Variants in FBLN2 observed in about 807,000 individuals in gnomAD.
FBLN2 encodes the protein fibulin 2, also known as fibulin-2.
Under a neutral mutation model 123.7 loss-of-function variants are expected in FBLN2, and 81 were observed. The ratio of observed to expected loss-of-function variants is 0.65; its 90% CI spans 0.55 to 0.79. The LOEUF (loss-of-function observed/expected upper bound fraction) is 0.79, where lower values mean the gene tolerates loss of function less well. Ranked by LOEUF, FBLN2 falls within the 30% of genes least tolerant of loss-of-function variation. FBLN2 has a pLI of 0.00. For synonymous variants in FBLN2, 699 were observed against 701.4 expected (o/e 1.00, Z 0.05); for missense variants, 1,603 against 1,681.3 (o/e 0.95, Z 0.81).
intron 2 of FBLN2, among the ~76,000 whole-genome samples, chr3:13,593,243 T>C (rs537418862): frequency 3.3e-5 from 5 of 152,332 alleles, no homozygotes; most frequent in African/African-American, 9.6e-5. Context: ...TGGATCTTCA[T>C]TGGAGTCCTG....
chr3:13,624,590 G>T (rs1474064327), intron 9 of FBLN2, among the ~76,000 whole-genome samples: 1 of 152,176 alleles, frequency 6.6e-6, no homozygotes, highest in African/African-American at 2.4e-5. Context: ...TTTCCCCAGG[G>T]CCTTGGCCTC....
At chr3:13,629,085 G>T (rs369377732) in intron 12 of FBLN2, 37 bp downstream of exon 12, 81 of 1,612,726 alleles carry the variant, frequency 5.0e-5, no homozygotes, top group Non-Finnish European at 6.7e-5. Context: ...AGCCAGCCCG[G>T]CCTGCCCGCT....
chr3:13,562,069 G>A (rs1165011312), intron 1 of FBLN2, among the ~76,000 whole-genome samples: 1 of 152,204 alleles, frequency 6.6e-6, no homozygotes, highest in African/African-American at 2.4e-5. Context: ...ATCCCTACTT[G>A]ATGCTTTGTG....
At chr3:13,556,879 C>T (rs942963037) in intron 1 of FBLN2, among the ~76,000 whole-genome samples, 1 of 152,230 alleles carries the variant, frequency 6.6e-6, no homozygotes, top group Non-Finnish European at 1.5e-5. Context: ...CCACTACATC[C>T]TCCTGGAAGG....
In FBLN2 at chr3:13,619,762, G is replaced by A. The variant is rs777109908; in HGVS notation, c.2086G>A (p.Val696Ile). 1 of 1,613,446 alleles carries A rather than the reference G, an allele frequency of 6.2e-7. No homozygotes were observed. Among genetic ancestry groups the A allele is most frequent in the South Asian group, 1.1e-5 (1 of 90,964 alleles). Reference sequence around the variant, plus strand: ...ACCCTGCAAGCAGGTGTGCAGCACTGTTGGGGGCTCAGCCATATGCTCCTG... The same window carrying A: ...ACCCTGCAAGCAGGTGTGCAGCACTATTGGGGGCTCAGCCATATGCTCCTG... ...NGPCKQVCST[V>I]GGSAICSCFP... The change falls in exon 8 of 18, where the codon GTT becomes ATT. Residue 696 changes from valine to isoleucine, a missense_variant. Transcript: ENST00000404922.
intron 2 of FBLN2, among the ~76,000 whole-genome samples, chr3:13,599,873 T>C (rs1704966263): frequency 6.9e-6 from 1 of 144,430 alleles, no homozygotes; most frequent in Non-Finnish European, 1.5e-5. Context: ...GGCATGTGCA[T>C]GTGACATGGG....
At chr3:13,613,915 G>T in intron 4 of FBLN2, 69 bp from the exon 5 acceptor site, 1 of 1,515,496 alleles carries the variant, frequency 6.6e-7, no homozygotes, top group South Asian at 1.3e-5. Context: ...CCATTTATCA[G>T]TCCCTCCCCT....
chr3:13,612,794 A>G (rs1475946190), intron 4 of FBLN2, among the ~76,000 whole-genome samples: 1 of 152,212 alleles, frequency 6.6e-6, no homozygotes, highest in Non-Finnish European at 1.5e-5. Flanking sequence ...TAAGTATGTG[A>G]TGGGCCTTCA....
At position 13,608,322 on chromosome 3, in the gene FBLN2, C is replaced by T. The variant is rs566604632; in HGVS notation, c.1418+149C>T. On this transcript the variant is annotated intron_variant, in intron 3 of 17. Transcript: ENST00000404922. ...AGGGTGATTGGGTGTGGCTGCCGTGCGCCATCTGGCCAGGCTTTCTCCAGG... is the reference window on the plus strand; with the variant it reads ...AGGGTGATTGGGTGTGGCTGCCGTGTGCCATCTGGCCAGGCTTTCTCCAGG... 248 of 634,138 alleles carry T rather than the reference C, an allele frequency of 3.9e-4. 1 individual carries two copies. Among genetic ancestry groups the T allele is most frequent in the Non-Finnish European group, 6.4e-4 (232 of 364,428 alleles). The allele number at this position is 634,138 out of a possible 1,614,324, so 39.3% of individuals were successfully genotyped here.
rs569329220 is a variant in FBLN2, at chr3:13,609,721, G to A, written c.1548+79G>A. The A allele has an allele frequency of 9.4e-5, 143 of 1,514,822 alleles. 1 individual carries two copies. The South Asian group carries it at 1.5e-3, about 16-fold the overall frequency. 93.8% of individuals were successfully genotyped at this position (1,514,822 alleles called of 1,614,324 possible). ...CTGGCCTGGGCCTGAAGGTCCTCGT[G>A]GCCCAAGAAGTTAGGCTGTCCTTGG... is the stretch of plus-strand genomic sequence containing the variant. On this transcript the variant is annotated intron_variant, in intron 4 of 17. Coordinates refer to ENST00000404922, the MANE Select transcript of FBLN2 (RefSeq NM_001004019.2).
At chr3:13,581,608 G>C (rs1704334408) in intron 2 of FBLN2, among the ~76,000 whole-genome samples, 1 of 152,150 alleles carries the variant, frequency 6.6e-6, no homozygotes, top group Non-Finnish European at 1.5e-5. Flanking sequence ...CAAGAGGCCA[G>C]CCCAGGGTCA....
At chr3:13,635,394 A>C (rs145118361) in intron 16 of FBLN2, among the ~76,000 whole-genome samples, 1,920 of 151,898 alleles carry the variant, frequency 0.013, 53 homozygotes, top group African/African-American at 0.043. Context: ...ACACACACAC[A>C]CACACCCACA....
chr3:13,638,355 T>TAA lies in FBLN2; in HGVS notation c.*443_*444dup. On this transcript the variant is annotated 3_prime_UTR_variant, in exon 18 of 18. Transcript: ENST00000404922. Reference sequence around the variant, plus strand: ...TATAAAGTAGTACATGTACATTATATAAAAAAAAGTTCAACTAGTATGAAA... The same window carrying TAA: ...TATAAAGTAGTACATGTACATTATATAAAAAAAAAAGTTCAACTAGTATGAAA... 1 of 313,074 alleles carries TAA rather than the reference T, an allele frequency of 3.2e-6. No individual in the cohort carries two copies. Among genetic ancestry groups the TAA allele is most frequent in the South Asian group, 2.6e-5 (1 of 38,076 alleles). 19.4% of individuals were successfully genotyped at this position (313,074 alleles called of 1,614,324 possible). A position where few individuals can be genotyped will look rare whatever the true frequency, so the allele number is the denominator to read the frequency against.
At chr3:13,609,440 T>C in intron 3 of FBLN2, 73 bp from the exon 4 acceptor site, 1 of 1,466,468 alleles carries the variant, frequency 6.8e-7, no homozygotes. Flanking sequence ...TTCCCTCCTC[T>C]GAGCCTCACT....
At chr3:13,591,624 G>A (rs9822809) in intron 2 of FBLN2, among the ~76,000 whole-genome samples, 56,273 of 151,942 alleles carry the variant, frequency 0.37, 12,899 homozygotes, top group African/African-American at 0.64. Flanking sequence ...TCCATTATCT[G>A]TCTTTGCACC....
rs368630493 is a variant in FBLN2, at chr3:13,614,025, C to A, written c.1590C>A (p.Ala530=). 2 of 1,613,230 alleles carry A rather than the reference C, an allele frequency of 1.2e-6. No individual in the cohort carries two copies. The highest frequency in any genetic ancestry group is 1.7e-6 in the Non-Finnish European group (2 of 1,179,872). ...GTGGCCTGGGCCTCCGCGTGCGGGC[C>A]GAGGGCCAGTCGTGTGAGTCCAATC... ...DCCGLGLRVR[A]EGQSCESNPN... is the part of the protein sequence containing the mutation. Residue 530 remains alanine, a synonymous_variant, in exon 5 of 18, where the codon GCC becomes GCA. Transcript: ENST00000404922.
At chr3:13,565,864 T>C (rs910696815) in intron 1 of FBLN2, among the ~76,000 whole-genome samples, 1 of 152,216 alleles carries the variant, frequency 6.6e-6, no homozygotes, top group African/African-American at 2.4e-5. Flanking sequence ...GGAGTGCATG[T>C]GCTGAATTCT....
At chr3:13,560,776 G>A (rs111729484) in intron 1 of FBLN2, among the ~76,000 whole-genome samples, 1 of 152,000 alleles carries the variant, frequency 6.6e-6, no homozygotes, top group Non-Finnish European at 1.5e-5. Context: ...CTGGATTACT[G>A]CAATGGTTCT....
chr3:13,609,911 A>T (rs76944920), intron 4 of FBLN2, among the ~76,000 whole-genome samples: 8,079 of 152,312 alleles, frequency 0.053, 239 homozygotes, highest in Middle Eastern at 0.088. Flanking sequence ...ACAGATGGCA[A>T]TTCCCGCCCT....
Sources: allele counts gnomAD v4.1 joint callset (sites outside exome capture counted in the v4.1 genomes callset), GRCh38; gene constraint gnomAD v4.1.1; transcripts MANE v1.5; gene names NCBI Gene and HGNC (gene_info 2026-07-23, HGNC 2026-07-21).